The following ANGEL2 variants were observed in gnomAD, a reference collection of about 807,000 sequenced individuals.
The protein encoded by ANGEL2 is angel homolog 2.
ANGEL2 carries 41 observed loss-of-function variants against 66.0 expected under a neutral mutation model. The observed-to-expected ratio is 0.62, with a 90% confidence interval of 0.48 to 0.81. The LOEUF (loss-of-function observed/expected upper bound fraction) is 0.81. Ranked by LOEUF, ANGEL2 falls within the 30% of genes least tolerant of loss-of-function variation. The pLI is 0.00. For missense variants in ANGEL2, 561 were observed against 641.6 expected, an observed-to-expected ratio of 0.87 and a Z score of 1.36; for synonymous variants, 208 against 226.5, an observed-to-expected ratio of 0.92 and a Z score of 0.73.
rs943815377 is a variant in ANGEL2 at position 212,993,423 on chromosome 1, CTGTT to C, written c.*1614_*1617del. 6.6e-5 allele frequency: 10 copies of C among 152,176 alleles called. No individual in the cohort carries two copies. Among genetic ancestry groups the C allele is most frequent in the African/African-American group, 1.2e-4 (5 of 41,438 alleles). 9.4% of individuals were successfully genotyped at this position (152,176 alleles called of 1,614,324 possible). On this transcript the variant is annotated 3_prime_UTR_variant, in exon 9 of 9. Coordinates refer to ENST00000366962, the MANE Select transcript of ANGEL2 (RefSeq NM_144567.5). ...CACATGCCTTCTCTGAGGTTTTCAT[CTGTT>C]TGTTTTTTTAAAAATAATTATAGCA... is the stretch of plus-strand genomic sequence containing the variant.
At chr1:212,997,446 G>T in intron 7 of ANGEL2, 128 bp from the exon 8 acceptor site, 3 of 742,484 alleles carry the variant, frequency 4.0e-6, no homozygotes, top group Non-Finnish European at 6.4e-6. Flanking sequence ...TATTTAAAAA[G>T]ACCATATCAT....
At chr1:212,995,638 CT>C (rs1558165198) in intron 8 of ANGEL2, among the ~76,000 whole-genome samples, 1 of 152,168 alleles carries the variant, frequency 6.6e-6, no homozygotes, top group Non-Finnish European at 1.5e-5. Context: ...ATGACATGCT[CT>C]TTTTGAAATG....
At chr1:212,999,884 C>T (rs1360236063) in intron 7 of ANGEL2, among the ~76,000 whole-genome samples, 2 of 152,114 alleles carry the variant, frequency 1.3e-5, no homozygotes, top group Non-Finnish European at 2.9e-5. Flanking sequence ...TTTAGTAAAT[C>T]AAAGACAACT....
intron 2 of ANGEL2, among the ~76,000 whole-genome samples, chr1:213,011,887 T>G (rs184591595): frequency 1.3e-5 from 2 of 152,190 alleles, no homozygotes; most frequent in African/African-American, 2.4e-5. Flanking sequence ...TGCCCTATAT[T>G]TATAGATCTT....
At chr1:212,999,194 A>C (rs566505660) in intron 7 of ANGEL2, among the ~76,000 whole-genome samples, 1 of 151,818 alleles carries the variant, frequency 6.6e-6, no homozygotes, top group South Asian at 2.1e-4. Context: ...TTTTTTTTTT[A>C]ATAGAGGCAG....
intron 6 of ANGEL2, 95 bp from the exon 7 acceptor site, chr1:213,000,478 G>A (rs2076147850): frequency 1.3e-5 from 15 of 1,111,940 alleles, no homozygotes; most frequent in African/African-American, 3.2e-5. Flanking sequence ...ACTTATCTAG[G>A]TTAGAAAGAT....
intron 8 of ANGEL2, among the ~76,000 whole-genome samples, chr1:212,996,387 A>G (rs2076007433): frequency 6.6e-6 from 1 of 151,800 alleles, no homozygotes; most frequent in Non-Finnish European, 1.5e-5. Context: ...CCACCCTGGG[A>G]GGCCGAGGTG....
At chr1:213,003,963 G>A (rs1232341627) in intron 5 of ANGEL2, among the ~76,000 whole-genome samples, 2 of 152,184 alleles carry the variant, frequency 1.3e-5, no homozygotes, top group African/African-American at 2.4e-5. Flanking sequence ...ACTTTGGGAG[G>A]CCGAGGTGAA....
chr1:213,000,729 T>C (rs2076154401), intron 6 of ANGEL2, 57 bp downstream of exon 6: 1 of 1,525,888 alleles, frequency 6.6e-7, no homozygotes, highest in East Asian at 2.4e-5. Context: ...TAGTTTTATG[T>C]CTTCAAAGGG....
chr1:213,015,613 C>G lies in ANGEL2; in HGVS notation c.59G>C (p.Arg20Pro). 1.2e-6 allele frequency: 2 copies of G among 1,613,652 alleles called. No homozygotes were observed. Among genetic ancestry groups the G allele is most frequent in the Non-Finnish European group, 1.7e-6 (2 of 1,179,808 alleles). Residue 20 changes from arginine (R) to proline (P), a missense_variant and splice_region_variant, in exon 1 of 9, where the codon CGA becomes CCA. Arg to Pro is a moderately radical substitution (Grantham distance 103). Transcript: ENST00000366962. The part of the protein sequence containing the change: ...GYGHCVVGRG[R>P]YPMFPHHSRS... ...CCTCCGAGTACCCAGCCCTACTGACCGGCCTCTTCCCACCACACAGTGGCC... is the reference window on the plus strand; with the variant it reads ...CCTCCGAGTACCCAGCCCTACTGACGGGCCTCTTCCCACCACACAGTGGCC...
Position 212,993,433 on chromosome 1 carries a change from T to C in ANGEL2, c.*1608A>G, listed in dbSNP as rs1175463703. ...CTCTGAGGTTTTCATCTGTTTGTTT[T>C]TTTAAAAATAATTATAGCAAATGCT... is the stretch of plus-strand genomic sequence containing the variant. On this transcript the variant is annotated 3_prime_UTR_variant, in exon 9 of 9. Coordinates refer to ENST00000366962, the MANE Select transcript of ANGEL2 (RefSeq NM_144567.5). 3.3e-5 allele frequency: 5 copies of C among 152,248 alleles called. No homozygotes were observed. Among genetic ancestry groups the C allele is most frequent in the Non-Finnish European group, 5.9e-5 (4 of 68,046 alleles). The allele number at this position is 152,248 out of a possible 1,614,324, so 9.4% of individuals were successfully genotyped here. A position where few individuals can be genotyped will look rare whatever the true frequency, so the allele number is the denominator to read the frequency against.
At chr1:213,002,413 T>C (rs950777291) in intron 5 of ANGEL2, among the ~76,000 whole-genome samples, 1 of 152,180 alleles carries the variant, frequency 6.6e-6, no homozygotes, top group Admixed American at 6.5e-5. Context: ...TCCACTGACA[T>C]AGCACAGGTA....
intron 2 of ANGEL2, 72 bp downstream of exon 2, chr1:213,013,021 A>G: frequency 1.4e-6 from 2 of 1,467,750 alleles, no homozygotes; most frequent in Non-Finnish European, 1.8e-6. Flanking sequence ...GGTTTAAAGG[A>G]TTAGATATGA....
At chr1:213,004,864 T>TC (rs1456084231) in intron 5 of ANGEL2, among the ~76,000 whole-genome samples, 169 bp downstream of exon 5, 11 of 40,452 alleles carry the variant, frequency 2.7e-4, no homozygotes, top group Admixed American at 8.9e-4. Flanking sequence ...TGAGACTGTC[T>TC]CAAAAAAAAA....
Position 212,993,719 on chromosome 1 carries a change from T to C in ANGEL2, c.*1322A>G, listed in dbSNP as rs185611491. 6.6e-6 allele frequency: 1 copy of C among 152,206 alleles called. No homozygotes were observed. Among genetic ancestry groups the C allele is most frequent in the Non-Finnish European group, 1.5e-5 (1 of 68,040 alleles). The allele number at this position is 152,206 out of a possible 1,614,324, so 9.4% of individuals were successfully genotyped here. On this transcript the variant is annotated 3_prime_UTR_variant, in exon 9 of 9. Transcript: ENST00000366962. ...CATAGAAAGTGTCAGCACCATCTCA[T>C]ACTGGTGCATCACGGTAAAAGAAAA...
Position 212,995,047 on chromosome 1 carries a change from C to G in ANGEL2, c.1629G>C (p.Glu543Asp), listed in dbSNP as rs532245447. ...AGTATGTGATCAAAGAGAGTCAGAG[C>G]TCAAGTCTGAACTTTGCCAATAAAG... Reference protein sequence around the residue: ...HLPLLAKFRLEL With the variant: ...HLPLLAKFRLDL Residue 543 changes from glutamate to aspartate, a missense_variant, in exon 9 of 9, where the codon GAG becomes GAC. Glu to Asp is a conservative substitution (Grantham distance 45, BLOSUM62 2). Transcript: ENST00000366962. 1 of 1,601,622 alleles carries G rather than the reference C, an allele frequency of 6.2e-7. No individual in the cohort carries two copies. The highest frequency in any genetic ancestry group is 8.5e-7 in the Non-Finnish European group (1 of 1,174,852).
chr1:213,000,224 G>T, intron 7 of ANGEL2, 102 bp downstream of exon 7: 1 of 1,130,462 alleles, frequency 8.8e-7, no homozygotes, highest in Non-Finnish European at 1.3e-6. Flanking sequence ...CACCAGCACG[G>T]AATACTATCA....
chr1:213,007,211 A>C lies in ANGEL2; in HGVS notation c.643-13T>G. ...GCAAACAAAGTACCTTGGAAGAAAA[A>C]AATAGCTTGAATTAGAACACAGAGA... On this transcript the variant is annotated splice_polypyrimidine_tract_variant and intron_variant, in intron 3 of 8. Transcript: ENST00000366962. 3.9e-6 allele frequency: 6 copies of C among 1,551,108 alleles called. No homozygotes were observed. Among genetic ancestry groups the C allele is most frequent in the Non-Finnish European group, 5.2e-6 (6 of 1,153,978 alleles).
rs373936219 is a variant in ANGEL2 at position 213,013,291 on chromosome 1, G to A, written c.187C>T (p.Arg63Ter). 22 of 1,614,174 alleles carry A rather than the reference G, an allele frequency of 1.4e-5. No individual in the cohort carries two copies. The highest frequency in any genetic ancestry group is 1.1e-4 in the East Asian group (5 of 44,888). Residue 63 changes from arginine (R) to a stop codon, truncating the protein, a stop_gained, in exon 2 of 9, where the codon CGA becomes TGA. Transcript: ENST00000366962. LOFTEE classifies it high-confidence loss of function. ...SCMRWPGHYS[R>*]APYPYFSSRH... is the part of the protein sequence containing the mutation. ...CTACTGAAGTATGGGTAAGGAGCTC[G>A]AGAGTAATGTCCAGGCCACCTCATA...
Sources: allele counts gnomAD v4.1 joint callset (sites outside exome capture counted in the v4.1 genomes callset), GRCh38; gene constraint gnomAD v4.1.1; transcripts MANE v1.5; gene names NCBI Gene and HGNC (gene_info 2026-07-23, HGNC 2026-07-21).